Variants in CPAMD8 observed in about 807,000 individuals in gnomAD.
CPAMD8 encodes the protein C3 and PZP like alpha-2-macroglobulin domain containing 8.
A neutral mutation model predicts 224.7 loss-of-function variants in CPAMD8; 146 were observed. That is an observed-to-expected ratio of 0.65 (90% confidence interval 0.57 to 0.75). CPAMD8 has a LOEUF of 0.75. Ranked by LOEUF, CPAMD8 falls within the 30% of genes least tolerant of loss-of-function variation. CPAMD8 has a pLI of 0.00. For synonymous variants in CPAMD8, 966 were observed against 1,044.6 expected (o/e 0.92, Z 1.45); for missense variants, 2,301 against 2,537.5 (o/e 0.91, Z 2.00).
At chr19:16,941,198 G>A (rs535425011) in intron 22 of CPAMD8, among the ~76,000 whole-genome samples, 2 of 152,322 alleles carry the variant, frequency 1.3e-5, no homozygotes, top group East Asian at 3.9e-4. Flanking sequence ...CTCCCAAAGT[G>A]CTGGGATTAC....
chr19:16,988,472 T>C (rs557066756), intron 13 of CPAMD8, among the ~76,000 whole-genome samples: 1 of 152,180 alleles, frequency 6.6e-6, no homozygotes, highest in South Asian at 2.1e-4. Context: ...TAGCCAGGCA[T>C]TGTGGTGGGC....
At chr19:16,943,851 G>GC (rs1455753677) in intron 22 of CPAMD8, among the ~76,000 whole-genome samples, 1 of 152,138 alleles carries the variant, frequency 6.6e-6, no homozygotes, top group Non-Finnish European at 1.5e-5. Context: ...TCACTCCAGA[G>GC]CCCACTCCCT....
At chr19:17,002,504 G>A (rs2056360809) in intron 8 of CPAMD8, 154 bp from the exon 9 acceptor site, 3 of 533,056 alleles carry the variant, frequency 5.6e-6, no homozygotes, top group South Asian at 5.7e-5. Context: ...GAGCAGCCCT[G>A]GGGATTTTGT....
chr19:16,938,991 T>C (rs796426530), intron 22 of CPAMD8, among the ~76,000 whole-genome samples: 27 of 152,192 alleles, frequency 1.8e-4, no homozygotes, highest in African/African-American at 6.5e-4. Flanking sequence ...CTCAGTCTCT[T>C]AAAAAGGGAT....
rs1315171839 is a variant in CPAMD8 at position 16,918,210 on chromosome 19, G to T, written c.3630-3397C>A. ...GGGTTTCGCCATGTTGGCCAGGCTG[G>T]TCTCGAACTCCTGACCTCAGGTGAT... On this transcript the variant is annotated intron_variant, in intron 27 of 41. Coordinates refer to ENST00000443236, the MANE Select transcript of CPAMD8 (RefSeq NM_015692.5). Among the ~76,000 whole-genome samples, 3 of 152,248 alleles carry T rather than the reference G, an allele frequency of 2.0e-5. No individual in the cohort carries two copies. In the East Asian group the frequency reaches 5.8e-4, roughly 29 times the overall value.
rs182318178 is a variant in CPAMD8 at position 17,019,826 on chromosome 19, C to G, written c.267+505G>C. The stretch of plus-strand genomic sequence containing the variant: ...TCCAGAGATCAACCCACCTCAGCCT[C>G]GCAAAGTGCTGGGATTACAGATGTG... On this transcript the variant is annotated intron_variant, in intron 3 of 41. Transcript: ENST00000443236. 5.9e-5 allele frequency among the ~76,000 whole-genome samples: 9 copies of G among 151,988 alleles called. No homozygotes were observed. The East Asian group carries it at 1.5e-3, about 26-fold the overall frequency.
intron 23 of CPAMD8, among the ~76,000 whole-genome samples, chr19:16,931,006 G>A (rs374326510): frequency 1.1e-4 from 17 of 152,132 alleles, no homozygotes; most frequent in Admixed American, 5.2e-4. Flanking sequence ...CACGTGCCCC[G>A]AGGGCTAACT....
At chr19:16,988,708 T>C (rs951974431) in intron 13 of CPAMD8, among the ~76,000 whole-genome samples, 2 of 151,882 alleles carry the variant, frequency 1.3e-5, no homozygotes, top group African/African-American at 4.8e-5. Flanking sequence ...AAGGGATCCC[T>C]GTGTCAGCTG....
intron 23 of CPAMD8, among the ~76,000 whole-genome samples, chr19:16,934,194 C>A (rs532454429): frequency 6.6e-6 from 1 of 152,102 alleles, no homozygotes; most frequent in Non-Finnish European, 1.5e-5. Context: ...TGAGAGATTA[C>A]AAACGGGCAT....
chr19:16,977,807 G>A (rs2055336736), intron 14 of CPAMD8, among the ~76,000 whole-genome samples: 1 of 152,052 alleles, frequency 6.6e-6, no homozygotes, highest in Admixed American at 6.6e-5. Flanking sequence ...CGGGGAACAT[G>A]GTCCCTGCTC....
chr19:16,909,340 C>T (rs576842815), intron 29 of CPAMD8, among the ~76,000 whole-genome samples: 3 of 152,074 alleles, frequency 2.0e-5, no homozygotes, highest in South Asian at 2.1e-4. Context: ...ATCAGGAGAT[C>T]GAGACCATCC....
chr19:16,977,827 C>G (rs1438761044), intron 14 of CPAMD8, among the ~76,000 whole-genome samples: 2 of 152,142 alleles, frequency 1.3e-5, no homozygotes, highest in Non-Finnish European at 2.9e-5. Flanking sequence ...CCCTGACCAG[C>G]CCTCTGCTTC....
intron 3 of CPAMD8, among the ~76,000 whole-genome samples, chr19:17,019,473 G>A (rs2056896755): frequency 1.3e-5 from 2 of 152,112 alleles, no homozygotes; most frequent in Admixed American, 6.6e-5. Context: ...GTATGTGCAT[G>A]AACAAGAATG....
In CPAMD8 at chr19:16,980,559, C is replaced by T. The variant is rs556626501; in HGVS notation, c.1523G>A (p.Arg508Gln). The T allele has an allele frequency of 2.0e-5, 32 of 1,613,926 alleles. No homozygotes were observed. The South Asian group carries it at 2.1e-4, about 11-fold the overall frequency. The change falls in exon 14 of 42, where the codon CGA becomes CAA. Residue 508 changes from arginine to glutamine, a missense_variant. Physicochemically the swap from Arg to Gln is conservative, Grantham distance 43 (BLOSUM62 1). Around this residue, in one of 4 missense-constraint regions of CPAMD8, gnomAD observed 301 missense variants for 406.6 expected, o/e 0.74. Coordinates refer to ENST00000443236, the MANE Select transcript of CPAMD8 (RefSeq NM_015692.5). The stretch of plus-strand genomic sequence containing the variant: ...CAGGGCAGGGGCCGCCCGCTTGCTT[C>T]GCTGCTGGGTGGTGTGGGCAGGCTG... ...GQQPAHTTQQ[R>Q]SKRAAPALEK...
intron 10 of CPAMD8, among the ~76,000 whole-genome samples, chr19:16,998,254 G>A (rs2056198774): frequency 6.6e-6 from 1 of 152,188 alleles, no homozygotes; most frequent in Non-Finnish European, 1.5e-5. Flanking sequence ...GAGGTCAGGA[G>A]TTCAAGACCA....
At chr19:16,929,459 CT>C (rs1243883950) in intron 23 of CPAMD8, among the ~76,000 whole-genome samples, 1 of 152,188 alleles carries the variant, frequency 6.6e-6, no homozygotes, top group Non-Finnish European at 1.5e-5. Flanking sequence ...AATCCCAGCA[CT>C]TTAGGAGGCT....
intron 14 of CPAMD8, among the ~76,000 whole-genome samples, chr19:16,979,736 T>C (rs1051453937): frequency 2.0e-5 from 3 of 152,216 alleles, no homozygotes; most frequent in Non-Finnish European, 4.4e-5. Flanking sequence ...TATCCTACAG[T>C]GCCTCCACCA....
Position 16,976,074 on chromosome 19 carries a change from G to C in CPAMD8, c.1836C>G (p.Ser612Arg). ...TATCAACTGCGGCGACGCACACACA[G>C]CTGCCCCTTGCAGCCCTGATCCGCA... is the stretch of plus-strand genomic sequence containing the variant. ...VDLRIRAARG[S>R]CVCVAAVDKS... The change falls in exon 16 of 42, where the codon AGC becomes AGG. Residue 612 changes from serine (S) to arginine (R), a missense_variant. Around this residue, in one of 4 missense-constraint regions of CPAMD8, gnomAD observed 1,709 missense variants for 1,753.2 expected, o/e 0.97. Transcript: ENST00000443236. The C allele has an allele frequency of 6.2e-7, 1 of 1,612,608 alleles. No homozygotes were observed. Among genetic ancestry groups the C allele is most frequent in the Non-Finnish European group, 8.5e-7 (1 of 1,179,184 alleles).
At chr19:16,982,084 C>T (rs1248819387) in intron 13 of CPAMD8, among the ~76,000 whole-genome samples, 1 of 151,794 alleles carries the variant, frequency 6.6e-6, no homozygotes, top group Admixed American at 6.6e-5. Flanking sequence ...AGTGAGATCC[C>T]GTCTCTACAA....
Sources: gnomAD v4.1 joint callset for allele counts (sites outside exome capture counted in the v4.1 genomes callset) on GRCh38, gnomAD v4.1.1 for gene constraint, gnomAD v4.1.1 regional missense constraint, MANE v1.5 for transcripts, NCBI Gene and HGNC (gene_info 2026-07-23, HGNC 2026-07-21) for gene names.